Variants in PRKG1 observed in about 807,000 individuals in gnomAD.
PRKG1 encodes cGMP-dependent protein kinase 1.
In PRKG1, 35 loss-of-function variants were observed where a neutral mutation model predicts 88.1. The observed-to-expected ratio is 0.40, with a 90% CI of 0.30 to 0.53. PRKG1 has a LOEUF of 0.53. PRKG1 is among the 20% of genes least tolerant of loss of function. The pLI, the probability that PRKG1 is intolerant of heterozygous loss-of-function variation, is 0.59. For synonymous variants in PRKG1, 303 were observed against 292.5 expected (o/e 1.04, Z -0.37); for missense variants, 540 against 839.8 (o/e 0.64, Z 4.41).
intron 3 of PRKG1, among the ~76,000 whole-genome samples, chr10:51,765,645 C>T (rs1168846520): frequency 6.6e-6 from 1 of 151,942 alleles, no homozygotes; most frequent in Admixed American, 6.6e-5. Context: ...AGTCTTGGCC[C>T]ATACCATTAA....
chr10:51,531,890 G>A (rs867945818), intron 3 of PRKG1, among the ~76,000 whole-genome samples: 18 of 151,852 alleles, frequency 1.2e-4, no homozygotes, highest in African/African-American at 2.4e-4. Flanking sequence ...TGATTTGCCC[G>A]CCTTGGCCTC....
At chr10:52,268,191 C>T (rs1294333196) in intron 10 of PRKG1, among the ~76,000 whole-genome samples, 2 of 152,106 alleles carry the variant, frequency 1.3e-5, no homozygotes, top group Non-Finnish European at 2.9e-5. Flanking sequence ...ATTCTAGACC[C>T]AAGGACTGGT....
chr10:51,241,023 T>TG, intron 2 of PRKG1, among the ~76,000 whole-genome samples: 1 of 152,316 alleles, frequency 6.6e-6, no homozygotes, highest in Middle Eastern at 3.4e-3. Flanking sequence ...CTCCTTGAGC[T>TG]GGGTGCTTAC....
intron 4 of PRKG1, among the ~76,000 whole-genome samples, chr10:51,853,089 G>A (rs535185932): frequency 5.3e-5 from 8 of 152,242 alleles, no homozygotes; most frequent in African/African-American, 1.7e-4. Flanking sequence ...GAAAGTAAGG[G>A]CTAGTGATAT....
At chr10:52,104,366 C>A (rs909311807) in intron 7 of PRKG1, among the ~76,000 whole-genome samples, 1 of 151,870 alleles carries the variant, frequency 6.6e-6, no homozygotes. Flanking sequence ...ACTGATGTGG[C>A]CTTATTTCTA....
At chr10:51,738,048 A>G (rs7069857) in intron 3 of PRKG1, among the ~76,000 whole-genome samples, 32,317 of 151,826 alleles carry the variant, frequency 0.21, 4,081 homozygotes, top group African/African-American at 0.35. Flanking sequence ...GATTACAGGC[A>G]TGAGTCACTG....
intron 10 of PRKG1, among the ~76,000 whole-genome samples, chr10:52,266,267 A>G (rs1841567573): frequency 6.6e-6 from 1 of 151,810 alleles, no homozygotes; most frequent in South Asian, 2.1e-4. Flanking sequence ...TGTTTGTTAC[A>G]TAGGTAAACA....
intron 4 of PRKG1, among the ~76,000 whole-genome samples, chr10:51,888,167 C>T (rs6480544): frequency 0.01 from 1,565 of 152,150 alleles, 29 homozygotes; most frequent in African/African-American, 0.036. Context: ...AAAAGATATA[C>T]GTTGAATGTG....
rs1339251104 is a variant in PRKG1 at position 51,228,052 on chromosome 10, A to G, written c.478+74722A>G. ...ATCTCAGGGAAGCATTCATATGTCA[A>G]GCAAAGTGACCTAGACTTCAGATTT... On this transcript the variant is annotated intron_variant, in intron 2 of 17. Coordinates refer to ENST00000373980, the MANE Select transcript of PRKG1 (RefSeq NM_006258.4). 3.9e-5 allele frequency among the ~76,000 whole-genome samples: 6 copies of G among 152,152 alleles called. No individual in the cohort carries two copies. In the East Asian group the frequency reaches 1.2e-3, roughly 29 times the overall value.
intron 4 of PRKG1, among the ~76,000 whole-genome samples, chr10:51,835,574 A>G (rs1840111614): frequency 6.6e-6 from 1 of 152,202 alleles, no homozygotes; most frequent in South Asian, 2.1e-4. Flanking sequence ...TTCCCCATGA[A>G]CATAAATTAT....
intron 2 of PRKG1, among the ~76,000 whole-genome samples, chr10:51,162,761 C>T (rs774851493): frequency 6.6e-6 from 1 of 152,080 alleles, no homozygotes; most frequent in Non-Finnish European, 1.5e-5. Flanking sequence ...CACTCTTTCC[C>T]ATGCTGGAAT....
At chr10:51,281,198 T>A (rs994387327) in intron 2 of PRKG1, among the ~76,000 whole-genome samples, 19 of 152,286 alleles carry the variant, frequency 1.2e-4, no homozygotes, top group African/African-American at 4.1e-4. Flanking sequence ...ACAGCAAATG[T>A]TGCTGCCTGA....
chr10:52,160,204 A>G (rs1390324345), intron 8 of PRKG1, among the ~76,000 whole-genome samples: 1 of 151,998 alleles, frequency 6.6e-6, no homozygotes, highest in Non-Finnish European at 1.5e-5. Context: ...CTCTAAGTTT[A>G]GGTAAGGACC....
intron 1 of PRKG1, among the ~76,000 whole-genome samples, chr10:51,007,640 C>A (rs1018314630): frequency 3.3e-5 from 5 of 152,192 alleles, no homozygotes; most frequent in African/African-American, 9.7e-5. Context: ...CTTTGACCTT[C>A]AATTTCCCCC....
At chr10:52,223,558 C>G (rs1840306065) in intron 9 of PRKG1, among the ~76,000 whole-genome samples, 1 of 152,116 alleles carries the variant, frequency 6.6e-6, no homozygotes, top group Non-Finnish European at 1.5e-5. Context: ...TCCTTTCATC[C>G]TTGGTGATCT....
intron 8 of PRKG1, among the ~76,000 whole-genome samples, chr10:52,145,277 T>C (rs1024554400): frequency 6.6e-6 from 1 of 152,216 alleles, no homozygotes; most frequent in Non-Finnish European, 1.5e-5. Flanking sequence ...CTTGAAACCT[T>C]ACTATATTTC....
intron 1 of PRKG1, among the ~76,000 whole-genome samples, chr10:51,078,539 C>A (rs1844022948): frequency 6.6e-6 from 1 of 150,666 alleles, no homozygotes. Context: ...CCCTGTTTCA[C>A]TTTTTCATTG....
chr10:51,205,835 C>A (rs1199502135), intron 2 of PRKG1, among the ~76,000 whole-genome samples: 1 of 152,100 alleles, frequency 6.6e-6, no homozygotes, highest in Non-Finnish European at 1.5e-5. Context: ...TTTATTTTTG[C>A]ATTTTTAAAA....
At chr10:51,890,539 T>G (rs906407938) in intron 4 of PRKG1, among the ~76,000 whole-genome samples, 9 of 152,256 alleles carry the variant, frequency 5.9e-5, no homozygotes, top group Non-Finnish European at 1.2e-4. Context: ...AATTAGTACA[T>G]ATGATAGTTA....
Sources: allele counts gnomAD v4.1 joint callset (sites outside exome capture counted in the v4.1 genomes callset), GRCh38; gene constraint gnomAD v4.1.1; transcripts MANE v1.5; gene names NCBI Gene and HGNC (gene_info 2026-07-23, HGNC 2026-07-21).